SLC7A2: variants seen among roughly 807,000 people sequenced by gnomAD.
The protein encoded by SLC7A2 is cationic amino acid transporter 2.
In SLC7A2, 48 loss-of-function variants were observed where a neutral mutation model predicts 58.9. The observed-to-expected ratio is 0.82, with a 90% CI of 0.65 to 1.04. The LOEUF (loss-of-function observed/expected upper bound fraction) is 1.04. SLC7A2 is among the 50% of genes least tolerant of loss of function. The probability of loss-of-function intolerance (pLI) is 0.00; values close to 1 mark genes in which losing one functional copy is unlikely to be tolerated. For missense variants in SLC7A2, 1,029 were observed against 818.8 expected (o/e 1.26, Z -3.13); for synonymous variants, 363 against 314.5 (o/e 1.15, Z -1.63).
At chr8:17,560,940 A>G (rs961778314) in intron 10 of SLC7A2, among the ~76,000 whole-genome samples, 7 of 152,170 alleles carry the variant, frequency 4.6e-5, no homozygotes, top group Non-Finnish European at 7.3e-5. Context: ...CATATTTTCA[A>G]TGACATTTAT....
At chr8:17,563,290 A>G (rs962470290) in intron 11 of SLC7A2, among the ~76,000 whole-genome samples, 2 of 152,214 alleles carry the variant, frequency 1.3e-5, no homozygotes, top group South Asian at 2.1e-4. Context: ...AACCATATGT[A>G]TCCCACATTT....
chr8:17,551,137 G>A (rs1317506063), intron 6 of SLC7A2, among the ~76,000 whole-genome samples: 2 of 152,098 alleles, frequency 1.3e-5, no homozygotes, highest in African/African-American at 2.4e-5. Flanking sequence ...CTATTCTATC[G>A]CTGAACACTT....
intron 3 of SLC7A2, among the ~76,000 whole-genome samples, chr8:17,544,040 T>C (rs111291399): frequency 0.038 from 5,774 of 152,212 alleles, 354 homozygotes; most frequent in African/African-American, 0.13. Flanking sequence ...GGCTAATTTT[T>C]TGCATTTTTA....
chr8:17,495,121 A>T (rs183175860), upstream of SLC7A2, among the ~76,000 whole-genome samples: 662 of 152,312 alleles, frequency 4.3e-3, 3 homozygotes, highest in Middle Eastern at 0.02. Context: ...AAAAATAGGA[A>T]TCTCTATTTT....
At chr8:17,535,767 G>A (rs1485249820) in intron 2 of SLC7A2, among the ~76,000 whole-genome samples, 1 of 152,038 alleles carries the variant, frequency 6.6e-6, no homozygotes, top group Non-Finnish European at 1.5e-5. Context: ...GCTAAGTGTG[G>A]TGGTGGGCGC....
At chr8:17,542,776 A>G (rs1482335338) in intron 2 of SLC7A2, among the ~76,000 whole-genome samples, 2 of 152,100 alleles carry the variant, frequency 1.3e-5, no homozygotes, top group African/African-American at 4.8e-5. Context: ...CTTGAAATAT[A>G]TTTCTATCAA....
intron 2 of SLC7A2, chr8:17,520,743 A>G (rs898836234): frequency 3.2e-6 from 3 of 942,116 alleles, no homozygotes; most frequent in Non-Finnish European, 3.8e-6. Flanking sequence ...GATGAGAAGG[A>G]CCTTGAGAGG....
chr8:17,547,785 A>AGTGTGTGT (rs35052068), intron 4 of SLC7A2, among the ~76,000 whole-genome samples: 1,702 of 144,788 alleles, frequency 0.012, 15 homozygotes, highest in Middle Eastern at 0.031. Flanking sequence ...GGCACAAAAG[A>AGTGTGTGT]GTGTGTGTGT....
chr8:17,517,263 T>C (rs1214976830), intron 2 of SLC7A2, among the ~76,000 whole-genome samples: 1 of 152,154 alleles, frequency 6.6e-6, no homozygotes, highest in Non-Finnish European at 1.5e-5. Context: ...TTATCAGAGG[T>C]CATTCGAAAT....
chr8:17,503,617 C>T (rs1174521704), intron 2 of SLC7A2, among the ~76,000 whole-genome samples: 1 of 151,826 alleles, frequency 6.6e-6, no homozygotes, highest in African/African-American at 2.4e-5. Context: ...ATACGCGGCG[C>T]TCATAGTTCG....
At chr8:17,555,323 T>G (rs1484493464) in intron 8 of SLC7A2, among the ~76,000 whole-genome samples, 1 of 152,182 alleles carries the variant, frequency 6.6e-6, no homozygotes, top group Non-Finnish European at 1.5e-5. Context: ...ATTTTAATCT[T>G]TTGGGCTCTA....
upstream of SLC7A2, among the ~76,000 whole-genome samples, chr8:17,494,551 G>C (rs977009971): frequency 6.6e-6 from 1 of 152,172 alleles, no homozygotes; most frequent in Non-Finnish European, 1.5e-5. Flanking sequence ...ACCCCGGGCA[G>C]CAAGAGAAAA....
chr8:17,505,565 A>G (rs543195769), intron 2 of SLC7A2, among the ~76,000 whole-genome samples: 1 of 152,166 alleles, frequency 6.6e-6, no homozygotes, highest in Admixed American at 6.5e-5. Flanking sequence ...TCTTTCCTCC[A>G]GATTCTTAGA....
intron 2 of SLC7A2, among the ~76,000 whole-genome samples, chr8:17,516,249 G>A (rs143276494): frequency 0.024 from 3,589 of 151,182 alleles, 109 homozygotes; most frequent in African/African-American, 0.074. Flanking sequence ...TTTTTGAGAT[G>A]GAATCTCGCT....
At chr8:17,539,930 G>A (rs76445190) in intron 2 of SLC7A2, among the ~76,000 whole-genome samples, 12,573 of 152,128 alleles carry the variant, frequency 0.083, 623 homozygotes, top group East Asian at 0.21. Context: ...CATTTCATAT[G>A]GGGAGCTTAT....
At chr8:17,525,635 A>T (rs2150699499) in intron 2 of SLC7A2, among the ~76,000 whole-genome samples, 1 of 152,296 alleles carries the variant, frequency 6.6e-6, no homozygotes, top group East Asian at 1.9e-4. Flanking sequence ...TTACTTTTAA[A>T]TTATCATGGT....
In SLC7A2 at chr8:17,560,399, G is replaced by C; in HGVS notation, c.1370G>C (p.Arg457Thr). 3.1e-6 allele frequency: 5 copies of C among 1,614,130 alleles called. No homozygotes were observed. The highest frequency in any genetic ancestry group is 2.7e-5 in the African/African-American group (2 of 75,024). The change falls in exon 10 of 13, where the codon AGG becomes ACG. Residue 457 changes from arginine (R) to threonine (T), a missense_variant. Coordinates refer to ENST00000494857, the MANE Select transcript of SLC7A2 (RefSeq NM_001370338.1). ...AAAGATGGTCTGGGATCGTCTCCCA[G>C]GGTAACCTCGAAGAGTGAGTCCCAG... ...PEKDGLGSSP[R>T]VTSKSESQVT...
intron 1 of SLC7A2, among the ~76,000 whole-genome samples, chr8:17,498,400 G>A (rs1000718698): frequency 6.6e-6 from 1 of 152,208 alleles, no homozygotes; most frequent in Non-Finnish European, 1.5e-5. Context: ...TTCTGTGTTT[G>A]TAATCTTTCT....
At chr8:17,500,567 T>A (rs1388833344) in intron 1 of SLC7A2, 1 of 152,216 alleles carries the variant, frequency 6.6e-6, no homozygotes, top group African/African-American at 2.4e-5. Flanking sequence ...CATGTATACC[T>A]ATGTAACAAA....
Sources: allele counts gnomAD v4.1 joint callset (sites outside exome capture counted in the v4.1 genomes callset), GRCh38; gene constraint gnomAD v4.1.1; transcripts MANE v1.5; gene names NCBI Gene and HGNC (gene_info 2026-07-23, HGNC 2026-07-21).